MRAP2: variants seen among roughly 807,000 people sequenced by gnomAD.
The protein encoded by MRAP2 is melanocortin-2 receptor accessory protein 2.
MRAP2 carries 20 observed loss-of-function variants against 17.4 expected under a neutral mutation model. The ratio of observed to expected loss-of-function variants is 1.15; its 90% CI spans 0.81 to 1.67. MRAP2 has a LOEUF of 1.67. Among genes scored for constraint, MRAP2 ranks in the 40% most tolerant of loss-of-function variants. MRAP2 has a pLI of 0.00. For missense variants in MRAP2, 238 were observed against 240.0 expected, an observed-to-expected ratio of 0.99 and a Z score of 0.05; for synonymous variants, 96 against 88.4, an observed-to-expected ratio of 1.09 and a Z score of -0.48.
intron 2 of MRAP2, among the ~76,000 whole-genome samples, chr6:84,057,234 C>T (rs1489782646): frequency 1.3e-5 from 2 of 152,198 alleles, no homozygotes; most frequent in African/African-American, 2.4e-5. Context: ...TTTAAAAATG[C>T]TGTGACTCTG....
At chr6:84,055,831 A>G (rs1301620602) in intron 2 of MRAP2, among the ~76,000 whole-genome samples, 1 of 152,234 alleles carries the variant, frequency 6.6e-6, no homozygotes, top group African/African-American at 2.4e-5. Flanking sequence ...GTAACACAGC[A>G]GCATCTTTTC....
chr6:84,084,917 ATTTATTTTATTTTAC>A (rs1307651178), intron 3 of MRAP2, among the ~76,000 whole-genome samples: 3 of 96,286 alleles, frequency 3.1e-5, no homozygotes, highest in Non-Finnish European at 5.9e-5. Flanking sequence ...TATTTTATTT[ATTTATTTTATTTTAC>A]TTTATTTTAT....
chr6:84,064,682 T>C (rs987684101), intron 3 of MRAP2, among the ~76,000 whole-genome samples: 1 of 151,994 alleles, frequency 6.6e-6, no homozygotes, highest in African/African-American at 2.4e-5. Context: ...AGAGACAGGG[T>C]TTCACCATGT....
chr6:84,091,376 G>A (rs1033939646), downstream of MRAP2, among the ~76,000 whole-genome samples: 5 of 150,922 alleles, frequency 3.3e-5, no homozygotes, highest in East Asian at 2.0e-4. Context: ...CTACAGGCAC[G>A]TGCCACCACG....
chr6:84,069,146 A>T (rs6918019), intron 3 of MRAP2, among the ~76,000 whole-genome samples: 6 of 151,502 alleles, frequency 4.0e-5, no homozygotes, highest in Admixed American at 1.3e-4. Context: ...GTTGAAGAGG[A>T]GTGGTGGGAG....
chr6:84,146,122 C>T, the MRAP2 span, among the ~76,000 whole-genome samples: 2 of 152,030 alleles, frequency 1.3e-5, no homozygotes, highest in African/African-American at 2.4e-5. Context: ...TCTATGTTTT[C>T]CTCTTCCTTT....
At chr6:84,051,740 G>A (rs959819844) in intron 1 of MRAP2, among the ~76,000 whole-genome samples, 1 of 152,146 alleles carries the variant, frequency 6.6e-6, no homozygotes, top group Non-Finnish European at 1.5e-5. Flanking sequence ...GGGGAGCGGG[G>A]AGGAAAAGAG....
chr6:84,047,152 A>AT (rs1161199924), intron 1 of MRAP2, among the ~76,000 whole-genome samples: 2 of 151,808 alleles, frequency 1.3e-5, no homozygotes, highest in African/African-American at 4.8e-5. Context: ...AGCACTGCTT[A>AT]TTATTATTAT....
chr6:84,067,313 G>A (rs536028581), intron 3 of MRAP2, among the ~76,000 whole-genome samples: 1 of 152,236 alleles, frequency 6.6e-6, no homozygotes, highest in South Asian at 2.1e-4. Flanking sequence ...CCACAATTTT[G>A]CAATTGTGAA....
chr6:84,125,887 C>T, the MRAP2 span, among the ~76,000 whole-genome samples: 13 of 152,198 alleles, frequency 8.5e-5, no homozygotes, highest in South Asian at 2.7e-3. Context: ...CTGTTCAAAC[C>T]AAGTTAAATT....
chr6:84,108,324 A>C, the MRAP2 span, among the ~76,000 whole-genome samples: 2 of 152,116 alleles, frequency 1.3e-5, no homozygotes, highest in Non-Finnish European at 2.9e-5. Context: ...TTTTCTCCAC[A>C]ACCTTGCCAG....
the MRAP2 span, among the ~76,000 whole-genome samples, chr6:84,099,580 G>C: frequency 6.6e-6 from 1 of 152,040 alleles, no homozygotes; most frequent in Non-Finnish European, 1.5e-5. Flanking sequence ...GTTCACATGA[G>C]AGCTGGATAT....
In MRAP2 at chr6:84,089,335, C is replaced by T. The variant is rs982792591; in HGVS notation, c.472C>T (p.Leu158=). Residue 158 remains leucine (L), a synonymous_variant, in exon 4 of 4, where the codon CTG becomes TTG. Coordinates refer to ENST00000257776, the MANE Select transcript of MRAP2 (RefSeq NM_138409.4). The part of the protein sequence containing the change: ...IRSSGQPEEE[L]NRLMKFDIPN... ...AAGCAGTGGGCAGCCAGAGGAGGAG[C>T]TGAACAGGCTCATGAAGTTTGACAT... 1 of 1,614,192 alleles carries T rather than the reference C, an allele frequency of 6.2e-7. No individual in the cohort carries two copies. Among genetic ancestry groups the T allele is most frequent in the Admixed American group, 1.7e-5 (1 of 60,030 alleles).
intron 1 of MRAP2, among the ~76,000 whole-genome samples, chr6:84,043,805 G>A (rs1234443206): frequency 6.6e-6 from 1 of 152,144 alleles, no homozygotes; most frequent in African/African-American, 2.4e-5. Context: ...AATCTTTCAT[G>A]GTTAAGTAAC....
chr6:84,129,367 T>C, the MRAP2 span, among the ~76,000 whole-genome samples: 1 of 152,228 alleles, frequency 6.6e-6, no homozygotes, highest in South Asian at 2.1e-4. Flanking sequence ...CCTGACTTTT[T>C]AATGATCGCC....
chr6:84,128,452 G>T, the MRAP2 span, among the ~76,000 whole-genome samples: 26 of 152,222 alleles, frequency 1.7e-4, no homozygotes, highest in East Asian at 5.0e-3. Context: ...TAGGGGATTT[G>T]TGAAATAAAT....
downstream of MRAP2, among the ~76,000 whole-genome samples, chr6:84,092,592 C>T (rs1292154584): frequency 6.6e-6 from 1 of 152,112 alleles, no homozygotes; most frequent in African/African-American, 2.4e-5. Flanking sequence ...TCCCAAAATA[C>T]AATGATGTGA....
the MRAP2 span, among the ~76,000 whole-genome samples, chr6:84,096,475 C>T: frequency 2.0e-5 from 3 of 152,178 alleles, no homozygotes; most frequent in African/African-American, 7.2e-5. Context: ...ACCCTATGAC[C>T]TACCAGTGTG....
At chr6:84,135,089 A>G in the MRAP2 span, among the ~76,000 whole-genome samples, 86 of 152,298 alleles carry the variant, frequency 5.6e-4, no homozygotes, top group African/African-American at 1.9e-3. Flanking sequence ...ATGAATAGAA[A>G]AAAATCTGGA....
Sources: gnomAD v4.1 joint callset for allele counts (sites outside exome capture counted in the v4.1 genomes callset) on GRCh38, gnomAD v4.1.1 for gene constraint, MANE v1.5 for transcripts, NCBI Gene and HGNC (gene_info 2026-07-23, HGNC 2026-07-21) for gene names.